TTYH1: variants seen among roughly 807,000 people sequenced by gnomAD.
TTYH1 encodes the protein protein tweety homolog 1.
A neutral mutation model predicts 61.2 loss-of-function variants in TTYH1; 33 were observed. That is an observed-to-expected ratio of 0.54 (90% CI 0.41 to 0.72). The LOEUF is 0.72. Among genes scored for constraint, TTYH1 ranks in the 30% least tolerant of loss-of-function variants. The pLI is 0.00. For synonymous variants in TTYH1, 308 were observed against 266.4 expected (o/e 1.16, Z -1.52); for missense variants, 538 against 575.8 (o/e 0.93, Z 0.67).
rs567103955 is a variant in TTYH1 at position 54,417,155 on chromosome 19, G to A, written c.126+1477G>A. On this transcript the variant is annotated intron_variant, in intron 1 of 13. Coordinates refer to ENST00000376530, the MANE Select transcript of TTYH1 (RefSeq NM_020659.4). ...TGGCATATGCACAGCACACACACAC[G>A]TCCACTTACTCCCATTACACACTCA... Among the ~76,000 whole-genome samples the A allele has an allele frequency of 3.3e-5, 5 of 151,808 alleles. 2 individuals carry two copies. Among genetic ancestry groups the A allele is most frequent in the African/African-American group, 1.2e-4 (5 of 41,394 alleles).
At chr19:54,417,686 T>TACAC (rs35495259) in intron 1 of TTYH1, among the ~76,000 whole-genome samples, 39 of 150,682 alleles carry the variant, frequency 2.6e-4, no homozygotes, top group African/African-American at 9.1e-4. Flanking sequence ...TATACTCCCA[T>TACAC]ACACACACAC....
At chr19:54,426,874 C>A in intron 5 of TTYH1, 106 bp downstream of exon 5, 1 of 993,658 alleles carries the variant, frequency 1.0e-6, no homozygotes, top group Non-Finnish European at 1.5e-6. Flanking sequence ...TCCTTCACGG[C>A]CGGGTACACA....
chr19:54,428,995 G>A (rs1230232016), intron 5 of TTYH1, among the ~76,000 whole-genome samples: 1 of 152,176 alleles, frequency 6.6e-6, no homozygotes. Context: ...GGAGCCTTCG[G>A]GGGAAGTGAG....
In TTYH1 at chr19:54,436,444, C is replaced by T. The variant is rs2083555231; in HGVS notation, c.*154C>T. Reference sequence around the variant, plus strand: ...ACAGGACCGCCTCCCTGCTCTTGGCCACTGTGCTCCCATTTCTGTCCTTGG... The same window carrying T: ...ACAGGACCGCCTCCCTGCTCTTGGCTACTGTGCTCCCATTTCTGTCCTTGG... On this transcript the variant is annotated 3_prime_UTR_variant, in exon 14 of 14. Coordinates refer to ENST00000376530, the MANE Select transcript of TTYH1 (RefSeq NM_020659.4). The surrounding 1 kb of genome is among the most constrained non-coding windows in gnomAD (Gnocchi z 4.3). 23 of 1,532,260 alleles carry T rather than the reference C, an allele frequency of 1.5e-5. No homozygotes were observed. The highest frequency in any genetic ancestry group is 2.1e-5 in the Non-Finnish European group (23 of 1,106,794). The allele number at this position is 1,532,260 out of a possible 1,614,324, so 94.9% of individuals were successfully genotyped here. A position where few individuals can be genotyped will look rare whatever the true frequency, so the allele number is the denominator to read the frequency against.
At chr19:54,423,198 A>ATT (rs1175182125) in intron 4 of TTYH1, among the ~76,000 whole-genome samples, 1,638 of 132,976 alleles carry the variant, frequency 0.012, 37 homozygotes, top group African/African-American at 0.043. Context: ...GTTCAGCACT[A>ATT]TTTTTTTTTT....
chr19:54,429,645 G>T lies in TTYH1; in HGVS notation c.808-237G>T, dbSNP rs1045804383. On this transcript the variant is annotated intron_variant, in intron 6 of 13. Coordinates refer to ENST00000376530, the MANE Select transcript of TTYH1 (RefSeq NM_020659.4). This position sits in a 1 kb window ranked among gnomAD's most constrained non-coding sequence, Gnocchi z 5.1. ...GGGGTCTGGACTCCTGGGTGTGAGG[G>T]AGGAGAAGCTGGGGGCCTGGACTCC... Among the ~76,000 whole-genome samples, 1 of 151,866 alleles carries T rather than the reference G, an allele frequency of 6.6e-6. No homozygotes were observed. The highest frequency in any genetic ancestry group is 6.6e-5 in the Admixed American group (1 of 15,234).
At chr19:54,427,542 T>G (rs2083350735) in intron 5 of TTYH1, among the ~76,000 whole-genome samples, 1 of 151,386 alleles carries the variant, frequency 6.6e-6, no homozygotes, top group African/African-American at 2.4e-5. Flanking sequence ...AGGCGGAGCT[T>G]GCAGTGAGCT....
At chr19:54,417,025 G>A in intron 1 of TTYH1, 1 of 1,142,556 alleles carries the variant, frequency 8.8e-7, no homozygotes, top group Non-Finnish European at 1.1e-6. Flanking sequence ...GAGGGCAAGG[G>A]GGACCCCTGC....
chr19:54,420,171 G>GC lies in TTYH1; in HGVS notation c.305+870dup, dbSNP rs888726001. Among the ~76,000 whole-genome samples, 5 of 152,172 alleles carry GC rather than the reference G, an allele frequency of 3.3e-5. No individual in the cohort carries two copies. The highest frequency in any genetic ancestry group is 5.9e-5 in the Non-Finnish European group (4 of 68,034). ...CTACCAAGAACGAGCTCTGAGCACAGCCCCCTCCCCGGCAGGGCAGCACCC... is the reference window on the plus strand; with the variant it reads ...CTACCAAGAACGAGCTCTGAGCACAGCCCCCCTCCCCGGCAGGGCAGCACCC... On this transcript the variant is annotated intron_variant, in intron 2 of 13. Coordinates refer to ENST00000376530, the MANE Select transcript of TTYH1 (RefSeq NM_020659.4). The surrounding 1 kb of genome is among the most constrained non-coding windows in gnomAD (Gnocchi z 4.8).
intron 1 of TTYH1, among the ~76,000 whole-genome samples, chr19:54,417,813 T>C (rs1002717024): frequency 3.3e-5 from 5 of 151,766 alleles, no homozygotes; most frequent in African/African-American, 1.2e-4. Flanking sequence ...TCCACACTGT[T>C]ACACACACAC....
rs766991356 is a variant in TTYH1, at chr19:54,431,109, T to A, written c.1043T>A (p.Leu348Gln). Reference protein sequence around the residue: ...PQFPSAQKPLLSLEETLNVTE... With the variant: ...PQFPSAQKPLQSLEETLNVTE... ...CTCCTCGCCCCGCAGAAGCCTCTGC[T>A]GTCCTTGGAGGAGACTCTGAATGTG... Residue 348 changes from leucine to glutamine, a missense_variant, in exon 10 of 14, where the codon CTG becomes CAG. By Grantham distance (113) the Leu-to-Gln change is moderately radical. Coordinates refer to ENST00000376530, the MANE Select transcript of TTYH1 (RefSeq NM_020659.4). 1.2e-6 allele frequency: 2 copies of A among 1,613,336 alleles called. No individual in the cohort carries two copies. Among genetic ancestry groups the A allele is most frequent in the East Asian group, 2.2e-5 (1 of 44,866 alleles).
chr19:54,427,736 T>C (rs571948091), intron 5 of TTYH1, among the ~76,000 whole-genome samples: 2 of 152,242 alleles, frequency 1.3e-5, no homozygotes, highest in East Asian at 3.9e-4. Flanking sequence ...GTCAGGGACC[T>C]GACTAAGAGC....
Position 54,421,204 on chromosome 19 carries a change from TG to T in TTYH1, c.306-69del. 1.2e-6 allele frequency: 1 copy of T among 843,700 alleles called. No homozygotes were observed. Among genetic ancestry groups the T allele is most frequent in the Non-Finnish European group, 1.9e-6 (1 of 525,328 alleles). The allele number at this position is 843,700 out of a possible 1,614,324, so 52.3% of individuals were successfully genotyped here. On this transcript the variant is annotated intron_variant, in intron 2 of 13. Coordinates refer to ENST00000376530, the MANE Select transcript of TTYH1 (RefSeq NM_020659.4). The surrounding 1 kb of genome is among the most constrained non-coding windows in gnomAD (Gnocchi z 4.8). ...GGATAAGAAGGCGAGGTGGAGGGGA[TG>T]GGGTGGGAGGGGACGGTGGCCCCCG...
rs150628637 is a variant in TTYH1 at position 54,435,534 on chromosome 19, C to T, written c.1126-8C>T. ...GGGACGCATGGCCTGATGACGCCCT[C>T]CCCTCAGGACTATGGTGCAGCCCTG... On this transcript the variant is annotated splice_region_variant and splice_polypyrimidine_tract_variant and intron_variant, in intron 10 of 13. Transcript: ENST00000376530. 2,277 of 1,588,482 alleles carry T rather than the reference C, an allele frequency of 1.4e-3. 20 individuals are homozygous for T. Among genetic ancestry groups the T allele is most frequent in the Middle Eastern group, 0.014 (60 of 4,440 alleles).
intron 10 of TTYH1, chr19:54,431,918 C>G (rs1243410250): frequency 6.6e-6 from 1 of 152,072 alleles, no homozygotes; most frequent in Non-Finnish European, 1.5e-5. Context: ...AAAAAATCCC[C>G]TTATAAAACA....
rs542521361 is a variant in TTYH1, at chr19:54,420,463, G to A, written c.306-814G>A. ...AATGGGGCGGGGACACTGGGCGTCCGACCCGAGGGATGGGGGTGGAGGCCC... is the reference window on the plus strand; with the variant it reads ...AATGGGGCGGGGACACTGGGCGTCCAACCCGAGGGATGGGGGTGGAGGCCC... On this transcript the variant is annotated intron_variant, in intron 2 of 13. Coordinates refer to ENST00000376530, the MANE Select transcript of TTYH1 (RefSeq NM_020659.4). This position sits in a 1 kb window ranked among gnomAD's most constrained non-coding sequence, Gnocchi z 4.8. Among the ~76,000 whole-genome samples, 10 of 152,112 alleles carry A rather than the reference G, an allele frequency of 6.6e-5. No homozygotes were observed. The highest frequency in any genetic ancestry group is 1.3e-4 in the Admixed American group (2 of 15,294).
chr19:54,429,297 C>T lies in TTYH1; in HGVS notation c.735-10C>T. 6.2e-7 allele frequency: 1 copy of T among 1,613,882 alleles called. No homozygotes were observed. The highest frequency in any genetic ancestry group is 2.2e-5 in the East Asian group (1 of 44,866). ...AGAACCCCGGGCTGATCCTCCCTCC[C>T]CCACTCTAGGATGACAGTCATGAGT... On this transcript the variant is annotated splice_polypyrimidine_tract_variant and intron_variant, in intron 5 of 13. Transcript: ENST00000376530. The surrounding 1 kb of genome is among the most constrained non-coding windows in gnomAD (Gnocchi z 5.1).
rs369627709 is a variant in TTYH1 at position 54,422,334 on chromosome 19, G to C, written c.562G>C (p.Gly188Arg). The C allele has an allele frequency of 1.3e-6, 2 of 1,570,518 alleles. No individual in the cohort carries two copies. The highest frequency in any genetic ancestry group is 2.3e-5 in the East Asian group (1 of 42,930). ...GGAGGCTGCGGCCCAGCAGCTGCAGGGGCTGGCCTTCTGGCAGGGAGTGCC... is the reference window on the plus strand; with the variant it reads ...GGAGGCTGCGGCCCAGCAGCTGCAGCGGCTGGCCTTCTGGCAGGGAGTGCC... ...QAEAAAQQLQ[G>R]LAFWQGVPLS... Residue 188 changes from glycine to arginine, a missense_variant, in exon 4 of 14, where the codon GGG becomes CGG. Gly to Arg is a moderately radical substitution (Grantham distance 125). Transcript: ENST00000376530.
rs776797943 is a variant in TTYH1 at position 54,431,084 on chromosome 19, C to G, written c.1033-15C>G. 1.9e-6 allele frequency: 3 copies of G among 1,604,860 alleles called. No individual in the cohort carries two copies. Among genetic ancestry groups the G allele is most frequent in the Non-Finnish European group, 2.6e-6 (3 of 1,171,814 alleles). On this transcript the variant is annotated splice_polypyrimidine_tract_variant and intron_variant, in intron 9 of 13. Coordinates refer to ENST00000376530, the MANE Select transcript of TTYH1 (RefSeq NM_020659.4). ...TGAAGAGTTCGTGGGAAAACGACCCCTCCTCGCCCCGCAGAAGCCTCTGCT... is the reference window on the plus strand; with the variant it reads ...TGAAGAGTTCGTGGGAAAACGACCCGTCCTCGCCCCGCAGAAGCCTCTGCT...
Sources: gnomAD v4.1 joint callset for allele counts (sites outside exome capture counted in the v4.1 genomes callset) on GRCh38, gnomAD v4.1.1 for gene constraint, Gnocchi (gnomAD v3.1) non-coding constraint, MANE v1.5 for transcripts, NCBI Gene and HGNC (gene_info 2026-07-23, HGNC 2026-07-21) for gene names.